The following FAM219B variants were observed in gnomAD, a reference collection of about 807,000 sequenced individuals.
FAM219B encodes the protein family with sequence similarity 219 member B, also known as protein FAM219B.
A neutral mutation model predicts 19.9 loss-of-function variants in FAM219B; 18 were observed. The observed-to-expected ratio is 0.91, with a 90% CI of 0.63 to 1.34. The LOEUF (loss-of-function observed/expected upper bound fraction) is 1.34, where lower values mean the gene tolerates loss of function less well. FAM219B is among the 40% of genes most tolerant of loss of function. FAM219B has a pLI of 0.00. For missense variants in FAM219B, 283 were observed against 270.5 expected, an observed-to-expected ratio of 1.05 and a Z score of -0.32; for synonymous variants, 123 against 117.5, an observed-to-expected ratio of 1.05 and a Z score of -0.30.
Position 74,901,878 on chromosome 15 carries a change from T to G in FAM219B, c.*741A>C, listed in dbSNP as rs1411676691. On this transcript the variant is annotated 3_prime_UTR_variant, in exon 5 of 5. Transcript: ENST00000357635. ...CTCACCCAGACCAAGGAAATACAAA[T>G]AAATAAATATGAACATGTCAGAGCA... The G allele has an allele frequency of 7.9e-6, 3 of 377,634 alleles. No individual in the cohort carries two copies. The highest frequency in any genetic ancestry group is 1.4e-5 in the Non-Finnish European group (3 of 213,800). 23.4% of individuals were successfully genotyped at this position (377,634 alleles called of 1,614,324 possible).
Position 74,902,145 on chromosome 15 carries a change from C to A in FAM219B, c.*474G>T, listed in dbSNP as rs1047381591. The A allele has an allele frequency of 5.0e-6, 2 of 398,610 alleles. No homozygotes were observed. The highest frequency in any genetic ancestry group is 7.1e-5 in the East Asian group (2 of 28,092). The allele number at this position is 398,610 out of a possible 1,614,324, so 24.7% of individuals were successfully genotyped here. On this transcript the variant is annotated 3_prime_UTR_variant, in exon 5 of 5. Coordinates refer to ENST00000357635, the MANE Select transcript of FAM219B (RefSeq NM_020447.5). ...CATCTTAGAGCTAGGAAGAATAGAG[C>A]AAACGGAATTTCTCGAACTGGTCTC...
Position 74,902,477 on chromosome 15 carries a change from G to C in FAM219B, c.*142C>G, listed in dbSNP as rs760879715. On this transcript the variant is annotated 3_prime_UTR_variant, in exon 5 of 5. Transcript: ENST00000357635. ...CAGCCCAGATGGGGGCCTCTGGCCT[G>C]AGAAGCAACAGGTAAGGGCTACCTG... The C allele has an allele frequency of 3.9e-6, 3 of 773,642 alleles. No homozygotes were observed. The highest frequency in any genetic ancestry group is 5.6e-6 in the Non-Finnish European group (3 of 535,820). The allele number at this position is 773,642 out of a possible 1,614,324, so 47.9% of individuals were successfully genotyped here.
chr15:74,905,198 A>C lies in FAM219B; in HGVS notation c.336T>G (p.Leu112=), dbSNP rs2065136202. The change falls in exon 3 of 5, where the codon CTT becomes CTG. Residue 112 remains leucine, a synonymous_variant. Transcript: ENST00000357635. The stretch of plus-strand genomic sequence containing the variant: ...CCAGGTTTTCATCTGGACTCTGGCT[A>C]AGAGCAGTATAGCCCTTGTTAAACT... ...SVKFNKGYTA[L]SQSPDENLVS... The C allele has an allele frequency of 2.5e-6, 4 of 1,613,932 alleles. No individual in the cohort carries two copies. The highest frequency in any genetic ancestry group is 2.5e-6 in the Non-Finnish European group (3 of 1,179,956).
chr15:74,904,948 A>G (rs1394776178), intron 3 of FAM219B: 5 of 1,531,092 alleles, frequency 3.3e-6, no homozygotes. Flanking sequence ...TCCCCCGGAC[A>G]TTGGTGCTCC....
In FAM219B at chr15:74,906,792, G is replaced by A. The variant is rs1170432381; in HGVS notation, c.9C>T (p.Thr3=). The A allele has an allele frequency of 3.9e-6, 5 of 1,284,848 alleles. No individual in the cohort carries two copies. Among genetic ancestry groups the A allele is most frequent in the Middle Eastern group, 2.9e-4 (1 of 3,462 alleles). The allele number at this position is 1,284,848 out of a possible 1,614,324, so 79.6% of individuals were successfully genotyped here. A position where few individuals can be genotyped will look rare whatever the true frequency, so the allele number is the denominator to read the frequency against. The change falls in exon 1 of 5, where the codon ACC becomes ACT. Residue 3 remains threonine (T), a synonymous_variant. Coordinates refer to ENST00000357635, the MANE Select transcript of FAM219B (RefSeq NM_020447.5). The stretch of plus-strand genomic sequence containing the variant: ...GCAACGCGCGCCCGCTGGGCTCCGC[G>A]GTCGCCATGGCCGGGCCCCGCCCTG... MA[T]AEPSGRALRL...
intron 4 of FAM219B, 131 bp from the exon 5 acceptor site, chr15:74,902,917 C>G: frequency 1.1e-6 from 1 of 942,130 alleles, no homozygotes; most frequent in Non-Finnish European, 1.6e-6. Context: ...CCCACACATC[C>G]CTGGACTACA....
Position 74,904,542 on chromosome 15 carries a change from C to T in FAM219B, c.429+122G>A, listed in dbSNP as rs902697994. ...GGGGGAAGAGGGCAGAGTGGAAGAT[C>T]GTAGAACAGACCAGAAGTCTGGCAC... On this transcript the variant is annotated intron_variant, in intron 4 of 4. Transcript: ENST00000357635. 89 of 1,212,004 alleles carry T rather than the reference C, an allele frequency of 7.3e-5. 3 individuals are homozygous for T. In the Admixed American group the frequency reaches 1.2e-3, roughly 17 times the overall value. 75.1% of individuals were successfully genotyped at this position (1,212,004 alleles called of 1,614,324 possible).
chr15:74,902,754 A>G lies in FAM219B; in HGVS notation c.462T>C (p.Leu154=). Residue 154 remains leucine, a synonymous_variant, in exon 5 of 5, where the codon CTT becomes CTC. Coordinates refer to ENST00000357635, the MANE Select transcript of FAM219B (RefSeq NM_020447.5). ...TCTCATCCAGGTGATACCCATCCTGAAGCAGCTGCCGGCTCACATCCTGGT... is the reference window on the plus strand; with the variant it reads ...TCTCATCCAGGTGATACCCATCCTGGAGCAGCTGCCGGCTCACATCCTGGT... ...QVNQDVSRQL[L]QDGYHLDEIP... 1 of 1,611,434 alleles carries G rather than the reference A, an allele frequency of 6.2e-7. No homozygotes were observed. Among genetic ancestry groups the G allele is most frequent in the Non-Finnish European group, 8.5e-7 (1 of 1,178,754 alleles).
intron 3 of FAM219B, 79 bp downstream of exon 3, chr15:74,905,075 G>A (rs1179102461): frequency 1.9e-6 from 3 of 1,604,220 alleles, no homozygotes; most frequent in Non-Finnish European, 2.6e-6. Flanking sequence ...AGGAGACAGG[G>A]AACAAGCAAA....
chr15:74,903,671 TACAC>T (rs142001222), intron 4 of FAM219B, among the ~76,000 whole-genome samples: 52,598 of 150,174 alleles, frequency 0.35, 11,957 homozygotes, highest in Non-Finnish European at 0.52. Flanking sequence ...GACTTCCTCT[TACAC>T]ACAATCTTTG....
At chr15:74,899,986 C>T (rs2064884181), downstream of FAM219B, 1 of 152,252 alleles carries the variant, frequency 6.6e-6, no homozygotes, top group South Asian at 2.1e-4. Context: ...ACAGACACAG[C>T]TCAACTAGTG....
downstream of FAM219B, chr15:74,898,205 C>T (rs2064852871): frequency 3.7e-6 from 1 of 267,432 alleles, no homozygotes; most frequent in Non-Finnish European, 7.5e-6. Context: ...TCTGTCAAAG[C>T]AATTAAAGAT....
downstream of FAM219B, chr15:74,898,028 G>T: frequency 2.2e-6 from 1 of 464,170 alleles, no homozygotes; most frequent in Non-Finnish European, 4.0e-6. Flanking sequence ...TATGGCTTTA[G>T]GCTAGCTGTT....
intron 3 of FAM219B, 200 bp from the exon 4 acceptor site, chr15:74,904,912 A>G: frequency 6.7e-7 from 1 of 1,492,366 alleles, no homozygotes. Context: ...TCTCACTAAC[A>G]ATGCAAACAT....
At chr15:74,904,875 A>C in intron 3 of FAM219B, 163 bp from the exon 4 acceptor site, 1 of 1,422,388 alleles carries the variant, frequency 7.0e-7, no homozygotes, top group African/African-American at 1.4e-5. Flanking sequence ...TGGTTCCCTC[A>C]ATTGGTTCTG....
chr15:74,905,972 C>T (rs1004379395), intron 2 of FAM219B: 5 of 349,452 alleles, frequency 1.4e-5, no homozygotes, highest in African/African-American at 2.1e-5. Flanking sequence ...CATTCCCACA[C>T]TGCTCTTCGT....
At chr15:74,904,609 T>C (rs1044765013) in intron 4 of FAM219B, 55 bp downstream of exon 4, 8 of 1,595,866 alleles carry the variant, frequency 5.0e-6, no homozygotes, top group African/African-American at 1.3e-5. Context: ...CATTTGGCAG[T>C]GGTGGTAATG....
At position 74,901,342 on chromosome 15, in the gene FAM219B, G is replaced by C. The variant is rs985041194; in HGVS notation, c.*1277C>G. 1 of 152,172 alleles carries C rather than the reference G, an allele frequency of 6.6e-6. No homozygotes were observed. The highest frequency in any genetic ancestry group is 2.4e-5 in the African/African-American group (1 of 41,446). The allele number at this position is 152,172 out of a possible 1,614,324, so 9.4% of individuals were successfully genotyped here. On this transcript the variant is annotated 3_prime_UTR_variant, in exon 5 of 5. Coordinates refer to ENST00000357635, the MANE Select transcript of FAM219B (RefSeq NM_020447.5). ...AACAAAACCTGTTGGAAAAATTCTAGAAAGAGGCTTGGTATAGAGTATAGC... is the reference window on the plus strand; with the variant it reads ...AACAAAACCTGTTGGAAAAATTCTACAAAGAGGCTTGGTATAGAGTATAGC...
chr15:74,904,970 C>A, intron 3 of FAM219B, 184 bp downstream of exon 3: 1 of 1,538,156 alleles, frequency 6.5e-7, no homozygotes. Flanking sequence ...AATTCTAGAG[C>A]AGCACGATTA....
Sources: gnomAD v4.1 joint callset for allele counts (sites outside exome capture counted in the v4.1 genomes callset) on GRCh38, gnomAD v4.1.1 for gene constraint, MANE v1.5 for transcripts, NCBI Gene and HGNC (gene_info 2026-07-23, HGNC 2026-07-21) for gene names.